Variants in KCNAB1 observed in about 807,000 individuals in gnomAD.
KCNAB1 encodes the protein voltage-gated potassium channel subunit beta-1.
In KCNAB1, 35 loss-of-function variants were observed where a neutral mutation model predicts 64.6. That is an observed-to-expected ratio of 0.54 (90% CI 0.41 to 0.72). KCNAB1 has a LOEUF of 0.72. Among genes scored for constraint, KCNAB1 ranks in the 30% least tolerant of loss-of-function variants. The probability of loss-of-function intolerance (pLI) is 0.00; values close to 1 mark genes in which losing one functional copy is unlikely to be tolerated. For synonymous variants in KCNAB1, 177 were observed against 183.8 expected (o/e 0.96, Z 0.30); for missense variants, 401 against 512.9 (o/e 0.78, Z 2.11).
At chr3:156,418,189 T>G (rs1326794974) in intron 1 of KCNAB1, among the ~76,000 whole-genome samples, 1 of 152,218 alleles carries the variant, frequency 6.6e-6, no homozygotes, top group Non-Finnish European at 1.5e-5. Flanking sequence ...AATTGGCAAT[T>G]TGATGTGCTT....
chr3:156,359,290 C>A (rs1725454547), intron 1 of KCNAB1, among the ~76,000 whole-genome samples: 1 of 152,156 alleles, frequency 6.6e-6, no homozygotes, highest in South Asian at 2.1e-4. Flanking sequence ...TAGCCCATTT[C>A]TCCTCTCCTC....
In KCNAB1 at chr3:156,386,835, T is replaced by C. The variant is rs1050815897; in HGVS notation, c.276-34781T>C. Reference sequence around the variant, plus strand: ...TGATAATGGTGACCACCAACAGTCTTGGAGCAAATGGGAGAGGTCCCAAAG... The same window carrying C: ...TGATAATGGTGACCACCAACAGTCTCGGAGCAAATGGGAGAGGTCCCAAAG... On this transcript the variant is annotated intron_variant, in intron 1 of 13. Coordinates refer to ENST00000490337, the MANE Select transcript of KCNAB1 (RefSeq NM_172160.3). 3.9e-5 allele frequency among the ~76,000 whole-genome samples: 6 copies of C among 152,232 alleles called. No individual in the cohort carries two copies. In the East Asian group the frequency reaches 9.7e-4, roughly 24 times the overall value.
At chr3:156,433,175 T>C (rs1190033490) in intron 2 of KCNAB1, among the ~76,000 whole-genome samples, 1 of 152,228 alleles carries the variant, frequency 6.6e-6, no homozygotes, top group African/African-American at 2.4e-5. Flanking sequence ...AGAGCCTATC[T>C]AGGGAGTGGA....
intron 1 of KCNAB1, among the ~76,000 whole-genome samples, chr3:156,246,675 A>G (rs897939195): frequency 1.3e-5 from 2 of 148,148 alleles, no homozygotes; most frequent in Non-Finnish European, 3.0e-5. Flanking sequence ...TTAGTCATTT[A>G]TATATATTGT....
At chr3:156,214,239 G>A (rs1163919412) in intron 1 of KCNAB1, among the ~76,000 whole-genome samples, 2 of 152,142 alleles carry the variant, frequency 1.3e-5, no homozygotes, top group Non-Finnish European at 2.9e-5. Flanking sequence ...TGAGGAGGGG[G>A]TTGTGGGAAC....
intron 1 of KCNAB1, among the ~76,000 whole-genome samples, chr3:156,395,543 TCAAAAAAAAAAAAAAAAAA>T (rs1713382613): frequency 2.4e-4 from 2 of 8,448 alleles, no homozygotes; most frequent in East Asian, 3.9e-3. Context: ...AGACTCCGTC[TCAAAAAAAAAAAAAAAAAA>T]AAAAAAAAAA....
Position 156,372,623 on chromosome 3 carries a change from C to A in KCNAB1, c.276-48993C>A, listed in dbSNP as rs1299145837. On this transcript the variant is annotated intron_variant, in intron 1 of 13. Transcript: ENST00000490337. ...GAGTCTGAACAACTCTGGCACATGG[C>A]AAACACTCAGTAGGTGTGAGCTATC... is the stretch of plus-strand genomic sequence containing the variant. 2.6e-5 allele frequency among the ~76,000 whole-genome samples: 4 copies of A among 152,318 alleles called. No homozygotes were observed. The East Asian group carries it at 7.7e-4, about 29-fold the overall frequency.
intron 12 of KCNAB1, among the ~76,000 whole-genome samples, chr3:156,528,461 T>A (rs1438106903): frequency 6.6e-6 from 1 of 152,202 alleles, no homozygotes; most frequent in Non-Finnish European, 1.5e-5. Context: ...AAGGCATACC[T>A]CACAGCCTGG....
intron 1 of KCNAB1, among the ~76,000 whole-genome samples, chr3:156,362,763 T>C (rs1219612624): frequency 1.3e-5 from 2 of 152,248 alleles, no homozygotes; most frequent in East Asian, 3.8e-4. Flanking sequence ...CACTTAATTA[T>C]GAATCTACTG....
At chr3:156,345,122 T>G (rs992389629) in intron 1 of KCNAB1, among the ~76,000 whole-genome samples, 10 of 152,224 alleles carry the variant, frequency 6.6e-5, no homozygotes, top group African/African-American at 2.4e-4. Flanking sequence ...GCTTCGTAAT[T>G]TCCCTTTTCC....
chr3:156,183,050 A>T (rs925005861), intron 1 of KCNAB1, among the ~76,000 whole-genome samples: 4 of 152,080 alleles, frequency 2.6e-5, no homozygotes, highest in African/African-American at 9.7e-5. Context: ...TATATTTTTT[A>T]CCATACAATA....
chr3:156,342,629 A>G (rs1314664611), intron 1 of KCNAB1, among the ~76,000 whole-genome samples: 1 of 76,992 alleles, frequency 1.3e-5, no homozygotes, highest in Admixed American at 1.6e-4. Context: ...TTTTTATTAT[A>G]CTCTAAGTTT....
At chr3:156,454,416 G>A (rs1712236703) in intron 3 of KCNAB1, among the ~76,000 whole-genome samples, 1 of 152,206 alleles carries the variant, frequency 6.6e-6, no homozygotes, top group Non-Finnish European at 1.5e-5. Flanking sequence ...TGGACCAGAG[G>A]CTGATCGGGA....
chr3:156,240,464 G>A (rs981011452), intron 1 of KCNAB1, among the ~76,000 whole-genome samples: 8 of 151,932 alleles, frequency 5.3e-5, no homozygotes, highest in African/African-American at 1.5e-4. Flanking sequence ...CAACATGTTC[G>A]TTCTCCTGAC....
At chr3:156,246,282 G>A (rs1040366694) in intron 1 of KCNAB1, among the ~76,000 whole-genome samples, 1 of 152,086 alleles carries the variant, frequency 6.6e-6, no homozygotes, top group African/African-American at 2.4e-5. Context: ...AGCTGTATGA[G>A]ACTATCAAAA....
chr3:156,281,393 C>T (rs1193598795), intron 1 of KCNAB1, among the ~76,000 whole-genome samples: 24 of 150,724 alleles, frequency 1.6e-4, no homozygotes, highest in African/African-American at 5.8e-4. Flanking sequence ...ATTTTTGCAT[C>T]AATGTTCATC....
chr3:156,223,980 G>A (rs1715972720), intron 1 of KCNAB1, among the ~76,000 whole-genome samples: 1 of 152,256 alleles, frequency 6.6e-6, no homozygotes, highest in Non-Finnish European at 1.5e-5. Flanking sequence ...CATCAGGGAG[G>A]CTCAGGCCGC....
chr3:156,537,365 T>A lies in KCNAB1; in HGVS notation c.*618T>A, dbSNP rs568896444. The A allele has an allele frequency of 5.1e-5, 13 of 254,992 alleles. No homozygotes were observed. The East Asian group carries it at 9.2e-4, about 18-fold the overall frequency. 15.8% of individuals were successfully genotyped at this position (254,992 alleles called of 1,614,324 possible). On this transcript the variant is annotated 3_prime_UTR_variant, in exon 14 of 14. Transcript: ENST00000490337. ...AAGTTTTGTTCCATTTGTTATTCAATAAAACAAAAATTTCTAGGTATTTGC... is the reference window on the plus strand; with the variant it reads ...AAGTTTTGTTCCATTTGTTATTCAAAAAAACAAAAATTTCTAGGTATTTGC...
At chr3:156,519,531 C>CT (rs775070388) in intron 11 of KCNAB1, among the ~76,000 whole-genome samples, 1 of 152,152 alleles carries the variant, frequency 6.6e-6, no homozygotes, top group Non-Finnish European at 1.5e-5. Context: ...CTATTTGTAC[C>CT]TTCTCTATTA....
Sources: gnomAD v4.1 joint callset for allele counts (sites outside exome capture counted in the v4.1 genomes callset) on GRCh38, gnomAD v4.1.1 for gene constraint, MANE v1.5 for transcripts, NCBI Gene and HGNC (gene_info 2026-07-23, HGNC 2026-07-21) for gene names.